Variants in CTNNA3 observed in about 807,000 individuals in gnomAD.
CTNNA3 encodes catenin alpha-3.
Under a neutral mutation model 95.7 loss-of-function variants are expected in CTNNA3, and 76 were observed. The ratio of observed to expected loss-of-function variants is 0.79; its 90% CI spans 0.66 to 0.96. The LOEUF is 0.96. Among genes scored for constraint, CTNNA3 ranks in the 40% least tolerant of loss-of-function variants. The probability of loss-of-function intolerance (pLI) is 0.00; values close to 1 mark genes in which losing one functional copy is unlikely to be tolerated. For synonymous variants in CTNNA3, 431 were observed against 374.4 expected (o/e 1.15, Z -1.74); for missense variants, 1,191 against 1,089.8 (o/e 1.09, Z -1.31).
chr10:66,961,034 T>A (rs896809203), intron 7 of CTNNA3, among the ~76,000 whole-genome samples: 1 of 152,214 alleles, frequency 6.6e-6, no homozygotes, highest in Non-Finnish European at 1.5e-5. Context: ...TTGACATAGT[T>A]ATCACAATAT....
intron 1 of CTNNA3, among the ~76,000 whole-genome samples, chr10:67,693,514 A>T (rs762909158): frequency 6.6e-6 from 1 of 152,228 alleles, no homozygotes; most frequent in Non-Finnish European, 1.5e-5. Flanking sequence ...TTCCAAAAAA[A>T]ATAGAAACAT....
intron 8 of CTNNA3, among the ~76,000 whole-genome samples, chr10:66,771,507 T>C (rs1290525232): frequency 6.6e-6 from 1 of 152,038 alleles, no homozygotes; most frequent in Admixed American, 6.6e-5. Context: ...TAATACATGA[T>C]GGTAAAATCA....
At chr10:66,141,767 T>G (rs1457506350) in intron 13 of CTNNA3, among the ~76,000 whole-genome samples, 1 of 152,166 alleles carries the variant, frequency 6.6e-6, no homozygotes, top group Non-Finnish European at 1.5e-5. Flanking sequence ...GACTTAAAAT[T>G]GTACTTAGAG....
chr10:66,814,939 C>T (rs950089597), intron 7 of CTNNA3, among the ~76,000 whole-genome samples: 17 of 150,404 alleles, frequency 1.1e-4, no homozygotes, highest in African/African-American at 3.9e-4. Context: ...GCAACCTCCA[C>T]CTCCTGGGTT....
chr10:66,520,989 GA>G (rs1189838637), intron 10 of CTNNA3, among the ~76,000 whole-genome samples: 1 of 149,612 alleles, frequency 6.7e-6, no homozygotes, highest in Non-Finnish European at 1.5e-5. Context: ...ATAAAAAATG[GA>G]ATTTAAAAAA....
At position 66,162,535 on chromosome 10, in the gene CTNNA3, T is replaced by C. The variant is rs1589602272; in HGVS notation, c.1885-59286A>G. Among the ~76,000 whole-genome samples, 4 of 152,270 alleles carry C rather than the reference T, an allele frequency of 2.6e-5. No homozygotes were observed. The South Asian group carries it at 8.3e-4, about 32-fold the overall frequency. On this transcript the variant is annotated intron_variant, in intron 13 of 17. Coordinates refer to ENST00000433211, the MANE Select transcript of CTNNA3 (RefSeq NM_013266.4). ...CTACAGGCTGGTACTGCAGGTTGTC[T>C]GTACAGAGTCCTGTGATGTGAACTG...
chr10:66,845,730 C>CA (rs1843242697), intron 7 of CTNNA3, among the ~76,000 whole-genome samples: 2 of 26,706 alleles, frequency 7.5e-5, no homozygotes, highest in African/African-American at 1.2e-4. Context: ...AAAAAAAAAA[C>CA]TAAAAAGGTG....
intron 1 of CTNNA3, among the ~76,000 whole-genome samples, chr10:67,651,800 C>T (rs1220992021): frequency 2.6e-5 from 4 of 152,086 alleles, no homozygotes; most frequent in Non-Finnish European, 5.9e-5. Flanking sequence ...ATGACTTGTT[C>T]GTGAAGAATT....
rs377088988 is a variant in CTNNA3 at position 67,540,651 on chromosome 10, T to C, written c.293-982A>G. 2.6e-5 allele frequency among the ~76,000 whole-genome samples: 4 copies of C among 152,098 alleles called. No individual in the cohort carries two copies. The East Asian group carries it at 7.7e-4, about 29-fold the overall frequency. On this transcript the variant is annotated intron_variant, in intron 3 of 17. Transcript: ENST00000433211. ...TATGTGTTTTATGAATATATTCATATACATTCATATATACAAATATGTTTT... is the reference window on the plus strand; with the variant it reads ...TATGTGTTTTATGAATATATTCATACACATTCATATATACAAATATGTTTT...
intron 7 of CTNNA3, among the ~76,000 whole-genome samples, chr10:66,959,633 T>A (rs911279706): frequency 6.6e-6 from 1 of 152,192 alleles, no homozygotes; most frequent in Non-Finnish European, 1.5e-5. Context: ...AGGTCTAACA[T>A]TCCACAACCT....
intron 10 of CTNNA3, among the ~76,000 whole-genome samples, chr10:66,593,689 C>CA (rs1843623491): frequency 6.6e-6 from 1 of 151,994 alleles, no homozygotes; most frequent in Non-Finnish European, 1.5e-5. Context: ...GACCAAAATC[C>CA]AAAAAAGCAG....
At chr10:66,346,859 C>T (rs942771716) in intron 12 of CTNNA3, among the ~76,000 whole-genome samples, 15 of 151,818 alleles carry the variant, frequency 9.9e-5, no homozygotes, top group African/African-American at 3.4e-4. Flanking sequence ...AGACATTGGG[C>T]ATCTAGACTT....
At chr10:67,296,355 T>C (rs1043784358) in intron 5 of CTNNA3, among the ~76,000 whole-genome samples, 2 of 152,300 alleles carry the variant, frequency 1.3e-5, no homozygotes, top group Non-Finnish European at 2.9e-5. Flanking sequence ...CTGAATTATA[T>C]ACATACAGTA....
chr10:67,734,450 A>G (rs549554535), intron 1 of CTNNA3, among the ~76,000 whole-genome samples: 1 of 152,318 alleles, frequency 6.6e-6, no homozygotes, highest in East Asian at 1.9e-4. Flanking sequence ...TCAAAGATAT[A>G]TATGATCCTG....
At chr10:66,481,399 A>C (rs1291555037) in intron 11 of CTNNA3, among the ~76,000 whole-genome samples, 1 of 151,788 alleles carries the variant, frequency 6.6e-6, no homozygotes, top group African/African-American at 2.4e-5. Flanking sequence ...AATTATTATA[A>C]GTATATGCTG....
intron 7 of CTNNA3, among the ~76,000 whole-genome samples, chr10:66,843,287 C>G (rs750419404): frequency 9.9e-5 from 15 of 152,118 alleles, no homozygotes; most frequent in Non-Finnish European, 2.1e-4. Context: ...ATCCCAGACC[C>G]CTGTCACTCC....
intron 13 of CTNNA3, among the ~76,000 whole-genome samples, chr10:66,222,620 G>GAAAGAAAGAAAGAA (rs2089010983): frequency 2.0e-5 from 1 of 50,402 alleles, no homozygotes; most frequent in Non-Finnish European, 5.2e-5. Context: ...AAGAAAGAAA[G>GAAAGAAAGAAAGAA]AAAAAGAAAG....
At position 66,619,400 on chromosome 10, in the gene CTNNA3, T is replaced by C. The variant is rs1589506992; in HGVS notation, c.1374+2292A>G. 2.2e-5 allele frequency among the ~76,000 whole-genome samples: 3 copies of C among 135,042 alleles called. No homozygotes were observed. In the South Asian group the frequency reaches 8.0e-4, roughly 36 times the overall value. The allele number at this position is 135,042 out of a possible 152,430, so 88.6% of individuals were successfully genotyped here. On this transcript the variant is annotated intron_variant, in intron 10 of 17. Transcript: ENST00000433211. ...GCAGCCATAAAAAATGATGAGTTCA[T>C]GTCCTTTGTAGGGACGTGGATGAAG...
intron 7 of CTNNA3, among the ~76,000 whole-genome samples, chr10:67,114,817 A>C (rs1859087970): frequency 6.6e-6 from 1 of 151,358 alleles, no homozygotes; most frequent in Non-Finnish European, 1.5e-5. Flanking sequence ...TCAGCCCTGA[A>C]GGGTACAATT....
Sources: gnomAD v4.1 joint callset for allele counts (sites outside exome capture counted in the v4.1 genomes callset) on GRCh38, gnomAD v4.1.1 for gene constraint, MANE v1.5 for transcripts, NCBI Gene and HGNC (gene_info 2026-07-23, HGNC 2026-07-21) for gene names.